The following ALDH2 variants were observed in gnomAD, a reference collection of about 807,000 sequenced individuals.
ALDH2 encodes the protein aldehyde dehydrogenase 2 family member, also known as aldehyde dehydrogenase, mitochondrial.
In ALDH2, 44 loss-of-function variants were observed where a neutral mutation model predicts 59.6. The observed-to-expected ratio is 0.74, with a 90% confidence interval of 0.58 to 0.95. ALDH2 has a LOEUF of 0.95. Among genes scored for constraint, ALDH2 ranks in the 40% least tolerant of loss-of-function variants. ALDH2 has a pLI of 0.00. For synonymous variants in ALDH2, 291 were observed against 284.0 expected (o/e 1.02, Z -0.25); for missense variants, 570 against 696.3 (o/e 0.82, Z 2.04).
intron 11 of ALDH2, among the ~76,000 whole-genome samples, chr12:111,800,922 T>A (rs2136024908): frequency 6.6e-6 from 1 of 152,288 alleles, no homozygotes; most frequent in Admixed American, 6.5e-5. Flanking sequence ...ACAACCCAAA[T>A]GTCCGTCTGT....
chr12:111,797,864 G>C (rs2068417695), intron 9 of ALDH2, among the ~76,000 whole-genome samples: 1 of 152,140 alleles, frequency 6.6e-6, no homozygotes, highest in Non-Finnish European at 1.5e-5. Flanking sequence ...GAAAAGTAAA[G>C]ATTGATTTGA....
rs2068545222 is a variant in ALDH2 at position 111,812,851 on chromosome 12, CCA to C, written c.*3277_*3278del. 6.6e-6 allele frequency: 1 copy of C among 152,052 alleles called. No homozygotes were observed. The highest frequency in any genetic ancestry group is 1.5e-5 in the Non-Finnish European group (1 of 68,056). The allele number at this position is 152,052 out of a possible 1,614,324, so 9.4% of individuals were successfully genotyped here. On this transcript the variant is annotated 3_prime_UTR_variant, in exon 13 of 13. Transcript: ENST00000261733. ...TGTGATTGCACCACTTCACTCCAGCCCAGAGTGAGACCCCATCTCTGAAAAAA... is the reference window on the plus strand; with the variant it reads ...TGTGATTGCACCACTTCACTCCAGCCGAGTGAGACCCCATCTCTGAAAAAA...
rs1196068570 is a variant in ALDH2, at chr12:111,813,213, G to T, written c.*3638G>T. The T allele has an allele frequency of 6.6e-6, 1 of 152,216 alleles. No individual in the cohort carries two copies. Among genetic ancestry groups the T allele is most frequent in the African/African-American group, 2.4e-5 (1 of 41,452 alleles). The allele number at this position is 152,216 out of a possible 1,614,324, so 9.4% of individuals were successfully genotyped here. ...TGGGTCAGTCACAGGAGTATTAGGT[G>T]TAAAGCCGCTGCTTCTGGGTAGAGC... On this transcript the variant is annotated 3_prime_UTR_variant, in exon 13 of 13. Coordinates refer to ENST00000261733, the MANE Select transcript of ALDH2 (RefSeq NM_000690.4).
At chr12:111,789,698 AG>A in intron 4 of ALDH2, 124 bp from the exon 5 acceptor site, 1 of 803,334 alleles carries the variant, frequency 1.2e-6, no homozygotes, top group African/African-American at 1.7e-5. Flanking sequence ...TCTCTGAATA[AG>A]CCAAAAGCAA....
In ALDH2 at chr12:111,792,085, G is replaced by T. The variant is rs749680221; in HGVS notation, c.820G>T (p.Ala274Ser). 6.2e-6 allele frequency: 10 copies of T among 1,610,934 alleles called. No homozygotes were observed. In the African/African-American group the frequency reaches 1.3e-4, roughly 22 times the overall value. Residue 274 changes from alanine (A) to serine (S), a missense_variant, in exon 8 of 13, where the codon GCT (alanine) becomes TCT (serine). By Grantham distance (99) the Ala-to-Ser change is moderately conservative (BLOSUM62 1). Transcript: ENST00000261733. ...TEIGRVIQVA[A>S]GSSNLKRVTL... ...GATTGGCCGCGTAATCCAGGTTGCTGCTGGGAGCAGCAACCTCAAGAGAGT... is the reference window on the plus strand; with the variant it reads ...GATTGGCCGCGTAATCCAGGTTGCTTCTGGGAGCAGCAACCTCAAGAGAGT...
chr12:111,808,393 C>T (rs2068512780), intron 12 of ALDH2, among the ~76,000 whole-genome samples: 2 of 151,834 alleles, frequency 1.3e-5, no homozygotes, highest in South Asian at 4.2e-4. Context: ...AATCATATCT[C>T]AAGAAAGTTG....
chr12:111,777,265 T>G (rs1226390905), intron 1 of ALDH2, among the ~76,000 whole-genome samples: 3 of 152,122 alleles, frequency 2.0e-5, no homozygotes, highest in Non-Finnish European at 4.4e-5. Context: ...AGGTTTGCTA[T>G]GAGGTTTAAA....
At position 111,790,500 on chromosome 12, in the gene ALDH2, G is replaced by A; in HGVS notation, c.619G>A (p.Val207Met). 1 of 1,614,210 alleles carries A rather than the reference G, an allele frequency of 6.2e-7. No homozygotes were observed. The highest frequency in any genetic ancestry group is 8.5e-7 in the Non-Finnish European group (1 of 1,180,046). The change falls in exon 6 of 13, where the codon GTG becomes ATG. Residue 207 changes from valine (V) to methionine (M), a missense_variant. By Grantham distance (21) the Val-to-Met change is conservative. Transcript: ENST00000261733. ...AGCCTTGGCAACTGGAAACGTGGTT[G>A]TGATGAAGGTAGCTGAGCAGACACC... Reference protein sequence around the residue: ...GPALATGNVVVMKVAEQTPLT... With the variant: ...GPALATGNVVMMKVAEQTPLT...
At chr12:111,800,212 C>T (rs1393113186) in intron 11 of ALDH2, 149 bp downstream of exon 11, 2 of 976,576 alleles carry the variant, frequency 2.0e-6, no homozygotes, top group Non-Finnish European at 2.9e-6. Context: ...AGAGGTCCTG[C>T]TACCTCACCT....
chr12:111,804,056 G>A (rs879517880), intron 12 of ALDH2, 83 bp downstream of exon 12: 56 of 1,013,276 alleles, frequency 5.5e-5, no homozygotes, highest in Non-Finnish European at 6.7e-5. Context: ...GGGGGATTGG[G>A]GTCTGTTGGG....
chr12:111,816,218 T>C lies in ALDH2; in HGVS notation c.*6643T>C, dbSNP rs1312048319. 1 of 152,056 alleles carries C rather than the reference T, an allele frequency of 6.6e-6. No individual in the cohort carries two copies. Among genetic ancestry groups the C allele is most frequent in the African/African-American group, 2.4e-5 (1 of 41,388 alleles). 9.4% of individuals were successfully genotyped at this position (152,056 alleles called of 1,614,324 possible). A position where few individuals can be genotyped will look rare whatever the true frequency, so the allele number is the denominator to read the frequency against. On this transcript the variant is annotated 3_prime_UTR_variant, in exon 13 of 13. Coordinates refer to ENST00000261733, the MANE Select transcript of ALDH2 (RefSeq NM_000690.4). ...AAGGGGACGAACACAGCAATAAAGA[T>C]AAAGACCAAAGAGTATATTTGGAAG...
intron 1 of ALDH2, among the ~76,000 whole-genome samples, chr12:111,777,501 CTGTGAGGCAGTTGTG>C (rs1218808523): frequency 6.6e-6 from 1 of 152,144 alleles, no homozygotes; most frequent in Non-Finnish European, 1.5e-5. Flanking sequence ...AAGTGCTTTG[CTGTGAGGCAGTTGTG>C]TGTGAGGCGT....
chr12:111,786,855 C>T (rs2068314163), intron 4 of ALDH2, among the ~76,000 whole-genome samples: 1 of 151,882 alleles, frequency 6.6e-6, no homozygotes, highest in Admixed American at 6.6e-5. Context: ...CAAACATAAA[C>T]ATTTCAATGA....
intron 7 of ALDH2, 132 bp downstream of exon 7, chr12:111,791,551 A>G: frequency 1.4e-6 from 1 of 699,024 alleles, no homozygotes; most frequent in African/African-American, 1.8e-5. Flanking sequence ...CCCTGTAGGT[A>G]CCAGGAGGGG....
At chr12:111,803,832 T>C in intron 11 of ALDH2, 27 bp from the exon 12 acceptor site, 4 of 1,554,136 alleles carry the variant, frequency 2.6e-6, no homozygotes, top group Non-Finnish European at 3.5e-6. Context: ...CCAAGAGTGA[T>C]TTCTGCAATC....
chr12:111,791,007 C>T (rs1319221408), intron 6 of ALDH2, among the ~76,000 whole-genome samples: 1 of 152,132 alleles, frequency 6.6e-6, no homozygotes, highest in Non-Finnish European at 1.5e-5. Context: ...TGTGATCACA[C>T]CACTGCACTC....
At chr12:111,804,174 C>G (rs1039187073) in intron 12 of ALDH2, among the ~76,000 whole-genome samples, 1 of 152,210 alleles carries the variant, frequency 6.6e-6, no homozygotes, top group South Asian at 2.1e-4. Context: ...GTCTGCTGGG[C>G]GGGCCACCTT....
At position 111,792,123 on chromosome 12, in the gene ALDH2, G is replaced by T. The variant is rs554937672; in HGVS notation, c.858G>T (p.Leu286=). 3.8e-5 allele frequency: 61 copies of T among 1,602,670 alleles called. No individual in the cohort carries two copies. Among genetic ancestry groups the T allele is most frequent in the Admixed American group, 3.5e-4 (20 of 56,672 alleles). ...ACCTCAAGAGAGTGACCTTGGAGCT[G>T]GGGGGGAAGAGCCCCAACATCATCA... The part of the protein sequence containing the change: ...SSNLKRVTLE[L]GGKSPNIIMS... Residue 286 remains leucine, a synonymous_variant, in exon 8 of 13, where the codon CTG becomes CTT. Coordinates refer to ENST00000261733, the MANE Select transcript of ALDH2 (RefSeq NM_000690.4).
rs1039872979 is a variant in ALDH2, at chr12:111,770,493, T to C, written c.114+3397T>C. ...TTTTTGTTTTTGTTTTGAGACAGGG[T>C]CTCTCACTGTTGCCCAGGCTGGAGT... On this transcript the variant is annotated intron_variant, in intron 1 of 12. Coordinates refer to ENST00000261733, the MANE Select transcript of ALDH2 (RefSeq NM_000690.4). Among the ~76,000 whole-genome samples the C allele has an allele frequency of 8.5e-5, 13 of 152,096 alleles. 1 individual carries two copies. The highest frequency in any genetic ancestry group is 1.6e-4 in the Non-Finnish European group (11 of 68,036).
Sources: gnomAD v4.1 joint callset for allele counts (sites outside exome capture counted in the v4.1 genomes callset) on GRCh38, gnomAD v4.1.1 for gene constraint, MANE v1.5 for transcripts, NCBI Gene and HGNC (gene_info 2026-07-23, HGNC 2026-07-21) for gene names.